NDST3: variants seen among roughly 807,000 people sequenced by gnomAD.
NDST3 encodes the protein bifunctional heparan sulfate N-deacetylase/N-sulfotransferase 3.
In NDST3, 58 loss-of-function variants were observed where a neutral mutation model predicts 96.1. That is an observed-to-expected ratio of 0.60 (90% CI 0.49 to 0.75). The LOEUF (loss-of-function observed/expected upper bound fraction) is 0.75. Among genes scored for constraint, NDST3 ranks in the 30% least tolerant of loss-of-function variants. NDST3 has a pLI of 0.00. For missense variants in NDST3, 788 were observed against 1,034.2 expected (o/e 0.76, Z 3.27); for synonymous variants, 333 against 359.7 (o/e 0.93, Z 0.84).
At chr4:118,034,044 C>A (rs1201494657), upstream of NDST3, 2 of 152,150 alleles carry the variant, frequency 1.3e-5, no homozygotes, top group African/African-American at 4.8e-5. Flanking sequence ...GTCCTGAAAC[C>A]GACACTCGTT....
chr4:118,068,489 CT>C (rs1314717756), intron 2 of NDST3, among the ~76,000 whole-genome samples: 1 of 152,076 alleles, frequency 6.6e-6, no homozygotes, highest in African/African-American at 2.4e-5. Flanking sequence ...CATTTAATCA[CT>C]TATCAATACA....
chr4:118,187,661 G>A (rs1231474433), intron 6 of NDST3, among the ~76,000 whole-genome samples: 1 of 152,152 alleles, frequency 6.6e-6, no homozygotes, highest in African/African-American at 2.4e-5. Flanking sequence ...TGTTGTTAGA[G>A]ACATAAGCAA....
intron 6 of NDST3, among the ~76,000 whole-genome samples, chr4:118,168,367 A>G (rs2125933880): frequency 6.6e-6 from 1 of 152,114 alleles, no homozygotes; most frequent in Non-Finnish European, 1.5e-5. Flanking sequence ...AAAGTCACTA[A>G]TCATCAATTT....
intron 3 of NDST3, among the ~76,000 whole-genome samples, chr4:118,108,896 G>A (rs1291839467): frequency 3.0e-5 from 3 of 99,514 alleles, no homozygotes; most frequent in African/African-American, 7.5e-5. Context: ...TTAACAACTG[G>A]GAACCTCATG....
chr4:118,252,330 C>A (rs1423960563), intron 12 of NDST3, among the ~76,000 whole-genome samples: 1 of 152,118 alleles, frequency 6.6e-6, no homozygotes, highest in African/African-American at 2.4e-5. Flanking sequence ...TGAGTCATGA[C>A]TTGAATATTG....
intron 6 of NDST3, among the ~76,000 whole-genome samples, chr4:118,198,265 GC>G (rs1296742822): frequency 6.6e-6 from 1 of 151,782 alleles, no homozygotes; most frequent in Non-Finnish European, 1.5e-5. Context: ...CTTTCTTTTT[GC>G]GAAGGTAATT....
At chr4:118,147,470 C>A (rs1734032388) in intron 6 of NDST3, among the ~76,000 whole-genome samples, 1 of 152,082 alleles carries the variant, frequency 6.6e-6, no homozygotes, top group African/African-American at 2.4e-5. Context: ...TATATATTTT[C>A]AAAAATTGTG....
chr4:118,206,570 C>T (rs1219183697), intron 6 of NDST3, among the ~76,000 whole-genome samples: 2 of 144,432 alleles, frequency 1.4e-5, no homozygotes, highest in African/African-American at 5.1e-5. Flanking sequence ...TTCTGAGCAC[C>T]AGGTTAAGAA....
At chr4:118,156,495 A>G (rs1004075581) in intron 6 of NDST3, among the ~76,000 whole-genome samples, 1 of 152,192 alleles carries the variant, frequency 6.6e-6, no homozygotes, top group Non-Finnish European at 1.5e-5. Context: ...TTTGGCACAT[A>G]GTAGGTTCTA....
At chr4:118,133,316 C>G (rs556114742) in intron 4 of NDST3, among the ~76,000 whole-genome samples, 2 of 152,322 alleles carry the variant, frequency 1.3e-5, no homozygotes, top group East Asian at 1.9e-4. Context: ...AAAGCCTGAG[C>G]AGAGCATGGA....
At chr4:118,228,638 T>C (rs1445442853) in intron 8 of NDST3, among the ~76,000 whole-genome samples, 2 of 152,208 alleles carry the variant, frequency 1.3e-5, no homozygotes, top group East Asian at 3.8e-4. Flanking sequence ...AATGTACAAT[T>C]AGCTGAATTT....
chr4:118,124,600 C>A (rs919679442), intron 4 of NDST3, among the ~76,000 whole-genome samples: 10 of 151,996 alleles, frequency 6.6e-5, no homozygotes, highest in Non-Finnish European at 1.0e-4. Flanking sequence ...GTATTCTCTT[C>A]ATGATAGTAT....
chr4:118,208,985 T>G (rs1452964469), intron 6 of NDST3, among the ~76,000 whole-genome samples: 2 of 106,030 alleles, frequency 1.9e-5, no homozygotes, highest in South Asian at 3.4e-4. Context: ...AACCTCTTAG[T>G]AGTGAAGCTG....
chr4:118,190,501 G>A (rs1209322694), intron 6 of NDST3, among the ~76,000 whole-genome samples: 1 of 152,128 alleles, frequency 6.6e-6, no homozygotes, highest in Non-Finnish European at 1.5e-5. Context: ...CTTCCCTAAT[G>A]TCTTCCCCAG....
intron 10 of NDST3, among the ~76,000 whole-genome samples, chr4:118,238,181 AAGAAAG>A (rs1740788626): frequency 6.8e-6 from 1 of 147,312 alleles, no homozygotes; most frequent in South Asian, 2.2e-4. Flanking sequence ...GAAAGAAAGA[AAGAAAG>A]AAAGAAAGAA....
chr4:118,133,537 G>T (rs941491935), intron 4 of NDST3, among the ~76,000 whole-genome samples: 1 of 152,158 alleles, frequency 6.6e-6, no homozygotes, highest in Non-Finnish European at 1.5e-5. Flanking sequence ...GAGGTACTGC[G>T]ATTGCTTACC....
At chr4:118,125,568 G>C (rs1008973221) in intron 4 of NDST3, among the ~76,000 whole-genome samples, 1 of 151,944 alleles carries the variant, frequency 6.6e-6, no homozygotes, top group Non-Finnish European at 1.5e-5. Flanking sequence ...AAAGAAAATT[G>C]TATATGGGAG....
At chr4:118,151,367 C>A (rs1028328226) in intron 6 of NDST3, among the ~76,000 whole-genome samples, 1 of 151,550 alleles carries the variant, frequency 6.6e-6, no homozygotes, top group African/African-American at 2.4e-5. Flanking sequence ...TGCACATGTA[C>A]CCTAAAACTT....
chr4:118,208,843 TAAC>T lies in NDST3; in HGVS notation c.1540-15642_1540-15640del, dbSNP rs1738607498. Among the ~76,000 whole-genome samples, 2 of 144,720 alleles carry T rather than the reference TAAC, an allele frequency of 1.4e-5. 1 individual carries two copies. The highest frequency in any genetic ancestry group is 3.1e-5 in the Non-Finnish European group (2 of 65,316). The allele number at this position is 144,720 out of a possible 152,430, so 94.9% of individuals were successfully genotyped here. On this transcript the variant is annotated intron_variant, in intron 6 of 13. Coordinates refer to ENST00000296499, the MANE Select transcript of NDST3 (RefSeq NM_004784.3). ...GTAAATGTTTGAATATTTAGAAACTTAACAACAATTAATCACTAGCTTTTTCAA... is the reference window on the plus strand; with the variant it reads ...GTAAATGTTTGAATATTTAGAAACTTAACAATTAATCACTAGCTTTTTCAA...
Sources: gnomAD v4.1 joint callset for allele counts (sites outside exome capture counted in the v4.1 genomes callset) on GRCh38, gnomAD v4.1.1 for gene constraint, MANE v1.5 for transcripts, NCBI Gene and HGNC (gene_info 2026-07-23, HGNC 2026-07-21) for gene names.